The following CENPE variants were observed in gnomAD, a reference collection of about 807,000 sequenced individuals.
CENPE encodes the protein centromere-associated protein E.
In CENPE, 145 loss-of-function variants were observed where a neutral mutation model predicts 336.1. The ratio of observed to expected loss-of-function variants is 0.43; its 90% CI spans 0.38 to 0.50. The LOEUF (loss-of-function observed/expected upper bound fraction) is 0.50. CENPE is among the 20% of genes least tolerant of loss of function. The pLI, the probability that CENPE is intolerant of heterozygous loss-of-function variation, is 0.00. For missense variants in CENPE, 2,719 were observed against 3,023.3 expected (o/e 0.90, Z 2.36); for synonymous variants, 1,013 against 984.8 (o/e 1.03, Z -0.54).
chr4:103,153,498 C>A (rs948400358), intron 24 of CENPE, among the ~76,000 whole-genome samples: 1 of 152,178 alleles, frequency 6.6e-6, no homozygotes, highest in South Asian at 2.1e-4. Context: ...GGTTTTGAAT[C>A]CAAGTGATCT....
intron 44 of CENPE, among the ~76,000 whole-genome samples, chr4:103,118,989 C>T (rs1391501761): frequency 2.0e-5 from 3 of 152,112 alleles, no homozygotes; most frequent in Non-Finnish European, 4.4e-5. Context: ...TTCTCCCTGG[C>T]TACACAGTTC....
At chr4:103,140,127 G>A (rs1487088388) in intron 37 of CENPE, 48 bp from the exon 38 acceptor site, 1 of 1,513,860 alleles carries the variant, frequency 6.6e-7, no homozygotes, top group African/African-American at 1.4e-5. Context: ...TTTCTTCAAG[G>A]AAGGCAAATA....
At chr4:103,110,186 A>G (rs993955654) in intron 47 of CENPE, among the ~76,000 whole-genome samples, 1 of 152,146 alleles carries the variant, frequency 6.6e-6, no homozygotes, top group African/African-American at 2.4e-5. Flanking sequence ...CCCAGTGTGT[A>G]TAGTAGAAAG....
At chr4:103,113,120 GTATATGTGTATATATACTTATAAGTA>G (rs1749695157) in intron 46 of CENPE, among the ~76,000 whole-genome samples, 1 of 90,802 alleles carries the variant, frequency 1.1e-5, no homozygotes, top group African/African-American at 4.0e-5. Context: ...ATACTTATAA[GTATATGTGTATATATACTTATAAGTA>G]TATAAGTGTA....
chr4:103,191,918 G>C (rs1398637136), intron 8 of CENPE, among the ~76,000 whole-genome samples: 1 of 151,944 alleles, frequency 6.6e-6, no homozygotes. Flanking sequence ...GATTGGGAAG[G>C]GGCAAGAGCA....
intron 21 of CENPE, among the ~76,000 whole-genome samples, chr4:103,159,793 A>AAAAAAT (rs1754282841): frequency 6.6e-6 from 1 of 151,874 alleles, no homozygotes; most frequent in Non-Finnish European, 1.5e-5. Context: ...TGGTCCATGA[A>AAAAAAT]AAAAATAAAA....
chr4:103,181,301 T>C, intron 12 of CENPE, 36 bp downstream of exon 12: 1 of 1,412,884 alleles, frequency 7.1e-7, no homozygotes, highest in Non-Finnish European at 9.5e-7. Flanking sequence ...CTAAATTGGT[T>C]CTTTCAATTT....
chr4:103,110,948 C>T lies in CENPE; in HGVS notation c.7604G>A (p.Gly2535Asp), dbSNP rs746229935. The T allele has an allele frequency of 1.9e-6, 3 of 1,611,770 alleles. No individual in the cohort carries two copies. Among genetic ancestry groups the T allele is most frequent in the Non-Finnish European group, 1.7e-6 (2 of 1,178,758 alleles). ...AAGAGCTTTTGTGTTTTGTACAATG[C>T]CGCTGCCACCTCCACAAGTTAAGGG... ...NKPLTCGGGSGIVQNTKALIL... is the reference protein window; with the variant it reads ...NKPLTCGGGSDIVQNTKALIL... The change falls in exon 47 of 49, where the codon GGC becomes GAC. Residue 2535 changes from glycine to aspartate, a missense_variant. Gly to Asp is a moderately conservative substitution (Grantham distance 94). Around this residue, in one of 5 missense-constraint regions of CENPE, gnomAD observed 2,437 missense variants for 2,513.3 expected, o/e 0.97. Coordinates refer to ENST00000265148, the MANE Select transcript of CENPE (RefSeq NM_001813.3).
chr4:103,143,371 G>A lies in CENPE; in HGVS notation c.5181C>T (p.His1727=). Residue 1727 remains histidine, a synonymous_variant, in exon 34 of 49, where the codon CAC becomes CAT. Coordinates refer to ENST00000265148, the MANE Select transcript of CENPE (RefSeq NM_001813.3). ...LEKQEELKIV[H]MHLKEHQETI... ...TTTCTTGGTGCTCCTTCAGATGCAT[G>A]TGAACAATTTTTAGCTCCTCTTGTT... 7 of 1,604,438 alleles carry A rather than the reference G, an allele frequency of 4.4e-6. No individual in the cohort carries two copies. Among genetic ancestry groups the A allele is most frequent in the Non-Finnish European group, 6.0e-6 (7 of 1,173,582 alleles).
At chr4:103,114,278 ACAAACGATGT>A (rs1054970740) in intron 46 of CENPE, among the ~76,000 whole-genome samples, 167 bp downstream of exon 46, 1 of 152,196 alleles carries the variant, frequency 6.6e-6, no homozygotes, top group Admixed American at 6.6e-5. Context: ...TAAGATTACA[ACAAACGATGT>A]CACAAGATAT....
At chr4:103,143,148 T>G in intron 34 of CENPE, 100 bp downstream of exon 34, 1 of 748,222 alleles carries the variant, frequency 1.3e-6, no homozygotes, top group Non-Finnish European at 2.1e-6. Flanking sequence ...CAAGTAAGTC[T>G]TCACTTGCCT....
intron 23 of CENPE, 65 bp from the exon 24 acceptor site, chr4:103,158,523 T>C (rs1754149083): frequency 1.3e-6 from 2 of 1,498,298 alleles, no homozygotes; most frequent in Non-Finnish European, 1.8e-6. Context: ...TTGTAGCTAC[T>C]ACATAACATA....
At chr4:103,176,662 C>T (rs571918808) in intron 14 of CENPE, among the ~76,000 whole-genome samples, 211 of 152,224 alleles carry the variant, frequency 1.4e-3, no homozygotes, top group South Asian at 4.6e-3. Context: ...CAGGTTCAAG[C>T]GATTCTCCTG....
At chr4:103,137,091 A>G (rs1165363156) in intron 39 of CENPE, among the ~76,000 whole-genome samples, 2 of 152,192 alleles carry the variant, frequency 1.3e-5, no homozygotes, top group African/African-American at 4.8e-5. Flanking sequence ...TCTATACCCA[A>G]GTTTTGAACT....
At position 103,126,948 on chromosome 4, in the gene CENPE, T is replaced by A. The variant is rs990411537; in HGVS notation, c.6925-3859A>T. Reference sequence around the variant, plus strand: ...AAGTGTGCAGTAATTATAAAAGGTGTAATGTATACATAATGGGAATACCAG... The same window carrying A: ...AAGTGTGCAGTAATTATAAAAGGTGAAATGTATACATAATGGGAATACCAG... On this transcript the variant is annotated intron_variant, in intron 42 of 48. Coordinates refer to ENST00000265148, the MANE Select transcript of CENPE (RefSeq NM_001813.3). 2.6e-5 allele frequency among the ~76,000 whole-genome samples: 4 copies of A among 151,626 alleles called. No homozygotes were observed. In the South Asian group the frequency reaches 6.2e-4, roughly 24 times the overall value.
chr4:103,185,926 G>A, intron 8 of CENPE, 65 bp from the exon 9 acceptor site: 3 of 1,097,158 alleles, frequency 2.7e-6, no homozygotes, highest in South Asian at 1.3e-5. Flanking sequence ...TCAAACTACT[G>A]AAAGAACATT....
chr4:103,175,197 A>G (rs1755755388), intron 15 of CENPE, among the ~76,000 whole-genome samples: 1 of 151,986 alleles, frequency 6.6e-6, no homozygotes, highest in Admixed American at 6.6e-5. Flanking sequence ...ACTAACTCTT[A>G]TTTTATGTCT....
At chr4:103,157,994 T>A (rs1754098778) in intron 24 of CENPE, among the ~76,000 whole-genome samples, 1 of 151,868 alleles carries the variant, frequency 6.6e-6, no homozygotes, top group Non-Finnish European at 1.5e-5. Context: ...TATAAGGCAA[T>A]CCCCTCTGCA....
At chr4:103,190,904 G>A (rs1757252602) in intron 8 of CENPE, among the ~76,000 whole-genome samples, 1 of 151,440 alleles carries the variant, frequency 6.6e-6, no homozygotes, top group Non-Finnish European at 1.5e-5. Flanking sequence ...ATCTGACAAA[G>A]GGCTAATATC....
Sources: allele counts gnomAD v4.1 joint callset (sites outside exome capture counted in the v4.1 genomes callset), GRCh38; gene constraint gnomAD v4.1.1; regional missense constraint gnomAD v4.1.1; transcripts MANE v1.5; gene names NCBI Gene and HGNC (gene_info 2026-07-23, HGNC 2026-07-21).